Variants in NRXN3 observed in about 807,000 individuals in gnomAD.
NRXN3 encodes the protein neurexin 3.
A neutral mutation model predicts 137.6 loss-of-function variants in NRXN3; 32 were observed. The observed-to-expected ratio is 0.23, with a 90% CI of 0.18 to 0.31. The LOEUF (loss-of-function observed/expected upper bound fraction) is 0.31, where lower values mean the gene tolerates loss of function less well. Among genes scored for constraint, NRXN3 ranks in the 10% least tolerant of loss-of-function variants. The pLI, the probability that NRXN3 is intolerant of heterozygous loss-of-function variation, is 1.00. For missense variants in NRXN3, 1,574 were observed against 2,062.5 expected (o/e 0.76, Z 4.59); for synonymous variants, 798 against 784.5 (o/e 1.02, Z -0.29).
intron 15 of NRXN3, among the ~76,000 whole-genome samples, chr14:78,989,807 A>G (rs1340081265): frequency 1.3e-5 from 2 of 152,170 alleles, no homozygotes; most frequent in Admixed American, 6.5e-5. Context: ...CTTTCTGGGT[A>G]GAAAATGGTC....
chr14:78,390,102 C>T (rs2153640022), intron 4 of NRXN3, among the ~76,000 whole-genome samples: 1 of 152,218 alleles, frequency 6.6e-6, no homozygotes, highest in East Asian at 1.9e-4. Flanking sequence ...GTTATTGTAG[C>T]TTTACAGTAA....
chr14:78,759,579 T>G (rs1302808264), intron 8 of NRXN3, among the ~76,000 whole-genome samples: 1 of 152,238 alleles, frequency 6.6e-6, no homozygotes, highest in Non-Finnish European at 1.5e-5. Flanking sequence ...CATATCATTT[T>G]TCCTCTGGAG....
At chr14:79,386,303 A>G (rs554254965) in intron 15 of NRXN3, among the ~76,000 whole-genome samples, 1 of 152,318 alleles carries the variant, frequency 6.6e-6, no homozygotes, top group African/African-American at 2.4e-5. Flanking sequence ...ATTCTTATAT[A>G]CCAATAACAG....
At chr14:78,450,715 A>G (rs1231992639) in intron 4 of NRXN3, among the ~76,000 whole-genome samples, 15 of 152,178 alleles carry the variant, frequency 9.9e-5, no homozygotes, top group South Asian at 2.1e-4. Context: ...TATGTAACAC[A>G]TTCACAGGAC....
At chr14:79,560,078 G>A (rs1389348901) in intron 16 of NRXN3, among the ~76,000 whole-genome samples, 1 of 151,870 alleles carries the variant, frequency 6.6e-6, no homozygotes, top group Non-Finnish European at 1.5e-5. Flanking sequence ...TTAAGAAGTT[G>A]GTAAATATCA....
chr14:79,178,730 A>G (rs1267501736), intron 15 of NRXN3, among the ~76,000 whole-genome samples: 3 of 152,218 alleles, frequency 2.0e-5, no homozygotes, highest in African/African-American at 4.8e-5. Flanking sequence ...ACATGTATAC[A>G]TATGTTCAAC....
intron 15 of NRXN3, among the ~76,000 whole-genome samples, chr14:79,218,246 G>A (rs1373029437): frequency 6.6e-6 from 1 of 152,156 alleles, no homozygotes; most frequent in Non-Finnish European, 1.5e-5. Flanking sequence ...TGGTCAATCT[G>A]CTGGACAGAT....
chr14:79,230,337 C>G (rs1222555716), intron 15 of NRXN3, among the ~76,000 whole-genome samples: 1 of 152,054 alleles, frequency 6.6e-6, no homozygotes, highest in Non-Finnish European at 1.5e-5. Context: ...GCTGGTGGTC[C>G]CTGCCTGTGT....
At chr14:79,775,971 A>G (rs1465965883) in intron 19 of NRXN3, among the ~76,000 whole-genome samples, 1 of 152,178 alleles carries the variant, frequency 6.6e-6, no homozygotes, top group Non-Finnish European at 1.5e-5. Flanking sequence ...TGGAGCCTAA[A>G]AAAAAGTAGG....
rs528502246 is a variant in NRXN3 at position 79,508,390 on chromosome 14, A to ATTTTTTTTTTTTTT, written c.3444+40991_3444+41004dup. Among the ~76,000 whole-genome samples, 504 of 48,194 alleles carry ATTTTTTTTTTTTTT rather than the reference A, an allele frequency of 0.01. 174 individuals carry two copies. The East Asian group carries it at 0.25, about 24-fold the overall frequency. The allele number at this position is 48,194 out of a possible 152,430, so 31.6% of individuals were successfully genotyped here. ...AATTTTCTTTATAAAACAATAACTG[A>ATTTTTTTTTTTTTT]TTTTTTTTTTTTTTTTAAGACAGAG... On this transcript the variant is annotated intron_variant, in intron 16 of 20. Coordinates refer to ENST00000335750, the MANE Select transcript of NRXN3 (RefSeq NM_001330195.2).
chr14:78,727,787 G>A (rs755539991), intron 8 of NRXN3, among the ~76,000 whole-genome samples: 2 of 152,078 alleles, frequency 1.3e-5, no homozygotes, highest in Admixed American at 6.6e-5. Flanking sequence ...TTACCACCTC[G>A]TCTTATTCCT....
intron 4 of NRXN3, among the ~76,000 whole-genome samples, chr14:78,617,275 A>T (rs927934918): frequency 2.6e-5 from 4 of 152,206 alleles, no homozygotes; most frequent in African/African-American, 9.6e-5. Context: ...GGTGGCTACC[A>T]AAAGAGAGGA....
At chr14:78,360,679 G>T (rs962923218) in intron 4 of NRXN3, among the ~76,000 whole-genome samples, 1 of 152,132 alleles carries the variant, frequency 6.6e-6, no homozygotes, top group Non-Finnish European at 1.5e-5. Context: ...CATAGTAAGG[G>T]TTCAAGAAAA....
chr14:79,111,216 G>C (rs2053457541), intron 15 of NRXN3, among the ~76,000 whole-genome samples: 1 of 152,190 alleles, frequency 6.6e-6, no homozygotes. Context: ...GGGCAAGAAA[G>C]AGCTGATGTG....
chr14:78,460,637 A>G (rs2094896551), intron 4 of NRXN3, among the ~76,000 whole-genome samples: 1 of 152,188 alleles, frequency 6.6e-6, no homozygotes, highest in South Asian at 2.1e-4. Context: ...CGTCAGGAGC[A>G]GGTGGCACTA....
chr14:79,732,224 CCATGTTCT>C, intron 19 of NRXN3, among the ~76,000 whole-genome samples: 1 of 152,184 alleles, frequency 6.6e-6, no homozygotes, highest in Middle Eastern at 3.4e-3. Context: ...ATTCTACATA[CCATGTTCT>C]CAGGATCCCA....
At chr14:78,493,567 A>AAAT (rs1212142696) in intron 4 of NRXN3, among the ~76,000 whole-genome samples, 2 of 144,112 alleles carry the variant, frequency 1.4e-5, no homozygotes, top group East Asian at 2.1e-4. Flanking sequence ...AATAAATAAA[A>AAAT]AGAATTAGCC....
intron 15 of NRXN3, among the ~76,000 whole-genome samples, chr14:79,244,831 A>G (rs528118965): frequency 6.6e-6 from 1 of 152,150 alleles, no homozygotes; most frequent in Admixed American, 6.6e-5. Context: ...ACTCATTTGT[A>G]TGTATCTTTT....
chr14:78,702,644 A>T (rs939944645), intron 6 of NRXN3, among the ~76,000 whole-genome samples: 3 of 151,874 alleles, frequency 2.0e-5, no homozygotes, highest in Admixed American at 2.0e-4. Context: ...GGGTTTCACC[A>T]TGTTGGCCAT....
Sources: allele counts gnomAD v4.1 joint callset (sites outside exome capture counted in the v4.1 genomes callset), GRCh38; gene constraint gnomAD v4.1.1; transcripts MANE v1.5; gene names NCBI Gene and HGNC (gene_info 2026-07-23, HGNC 2026-07-21).